ESPNL: variants seen among roughly 807,000 people sequenced by gnomAD.
ESPNL encodes espin-like protein.
ESPNL carries 49 observed loss-of-function variants against 46.8 expected under a neutral mutation model. The ratio of observed to expected loss-of-function variants is 1.05; its 90% CI spans 0.83 to 1.33. The LOEUF (loss-of-function observed/expected upper bound fraction) is 1.33, where lower values mean the gene tolerates loss of function less well. Ranked by LOEUF, ESPNL falls within the 40% of genes most tolerant of loss-of-function variation. The pLI is 0.00. For missense variants in ESPNL, 1,540 were observed against 1,436.6 expected, an observed-to-expected ratio of 1.07 and a Z score of -1.16; for synonymous variants, 664 against 662.1, an observed-to-expected ratio of 1.00 and a Z score of -0.04.
chr2:238,103,562 G>A (rs114908451), intron 2 of ESPNL, among the ~76,000 whole-genome samples: 2,113 of 152,334 alleles, frequency 0.014, 45 homozygotes, highest in African/African-American at 0.048. Context: ...CCGAGAGGTG[G>A]CTGCCCCTGG....
chr2:238,103,148 C>T (rs1298082026), intron 2 of ESPNL, among the ~76,000 whole-genome samples: 1 of 152,220 alleles, frequency 6.6e-6, no homozygotes, highest in Non-Finnish European at 1.5e-5. Context: ...TTGGGCCGAG[C>T]ACAGTGGCTC....
intron 6 of ESPNL, among the ~76,000 whole-genome samples, chr2:238,125,659 G>A (rs1370760071): frequency 6.6e-6 from 1 of 152,264 alleles, no homozygotes; most frequent in Non-Finnish European, 1.5e-5. Context: ...GCCCCTTGTG[G>A]ATGGGCTGCT....
intron 5 of ESPNL, among the ~76,000 whole-genome samples, chr2:238,124,418 C>T (rs772178720): frequency 3.9e-5 from 6 of 152,226 alleles, no homozygotes; most frequent in Non-Finnish European, 8.8e-5. Flanking sequence ...CTGCCCTTCC[C>T]TCTCCTCACC....
At chr2:238,129,207 A>G (rs1339810875) in intron 8 of ESPNL, 2 of 1,309,140 alleles carry the variant, frequency 1.5e-6, no homozygotes, top group African/African-American at 1.5e-5. Context: ...AGCGTCTAGC[A>G]GGGAAGACGG....
intron 5 of ESPNL, among the ~76,000 whole-genome samples, chr2:238,119,162 G>GT (rs1691913290): frequency 1.6e-5 from 2 of 128,252 alleles, no homozygotes; most frequent in East Asian, 2.8e-4. Context: ...ATGGAGGAGG[G>GT]GAGATGGAGG....
At chr2:238,126,487 T>C (rs1224513207) in intron 6 of ESPNL, among the ~76,000 whole-genome samples, 2 of 151,518 alleles carry the variant, frequency 1.3e-5, no homozygotes, top group Non-Finnish European at 2.9e-5. Flanking sequence ...TGATTGTGTG[T>C]CTGTTCTGTC....
rs1234549821 is a variant in ESPNL, at chr2:238,128,785, A to G, written c.1294A>G (p.Ile432Val). Residue 432 changes from isoleucine (I) to valine (V), a missense_variant, in exon 8 of 9, where the codon ATC (isoleucine) becomes GTC (valine). Transcript: ENST00000343063. ...GCTGGATGGGCTGCCCTCAGGCGAC[A>G]TCGACGGGCTGGTGCCCACGCGGGA... ...LQLDGLPSGD[I>V]DGLVPTRDER... 5.1e-6 allele frequency: 8 copies of G among 1,578,072 alleles called. No individual in the cohort carries two copies. Among genetic ancestry groups the G allele is most frequent in the South Asian group, 1.2e-5 (1 of 86,060 alleles).
chr2:238,108,129 G>A (rs1691638537), intron 4 of ESPNL, among the ~76,000 whole-genome samples, 156 bp downstream of exon 4: 1 of 152,192 alleles, frequency 6.6e-6, no homozygotes, highest in South Asian at 2.1e-4. Context: ...CTTGCCCAAG[G>A]TCAAGATCCC....
At chr2:238,122,822 G>T (rs1313140424) in intron 5 of ESPNL, among the ~76,000 whole-genome samples, 1 of 152,218 alleles carries the variant, frequency 6.6e-6, no homozygotes, top group African/African-American at 2.4e-5. Flanking sequence ...GCTGTTGAGG[G>T]GCCCACTCCA....
At chr2:238,127,100 GTCTGT>G (rs1385944990) in intron 6 of ESPNL, among the ~76,000 whole-genome samples, 2 of 131,950 alleles carry the variant, frequency 1.5e-5, no homozygotes, top group African/African-American at 3.0e-5. Context: ...TTGTGTCTGT[GTCTGT>G]ATGTGATGTG....
intron 4 of ESPNL, among the ~76,000 whole-genome samples, chr2:238,113,110 C>T (rs917862012): frequency 2.0e-5 from 3 of 152,154 alleles, no homozygotes; most frequent in Admixed American, 6.6e-5. Flanking sequence ...ATCCTGTCAC[C>T]GTTTGTTTTA....
chr2:238,128,628 C>T (rs1356092243), intron 7 of ESPNL, 79 bp from the exon 8 acceptor site: 3 of 1,435,524 alleles, frequency 2.1e-6, no homozygotes, highest in Admixed American at 2.0e-5. Flanking sequence ...GAGCCAACCC[C>T]CCACGTCCTC....
At chr2:238,122,627 G>A (rs963253153) in intron 5 of ESPNL, among the ~76,000 whole-genome samples, 13 of 152,182 alleles carry the variant, frequency 8.5e-5, no homozygotes, top group African/African-American at 2.4e-4. Flanking sequence ...ATAAGAGGGC[G>A]GCTGCCATCC....
In ESPNL at chr2:238,107,779, C is replaced by G. The variant is rs1691628805; in HGVS notation, c.673-12C>G. The G allele has an allele frequency of 6.4e-7, 1 of 1,566,454 alleles. No individual in the cohort carries two copies. The highest frequency in any genetic ancestry group is 1.4e-5 in the African/African-American group (1 of 73,748). On this transcript the variant is annotated splice_polypyrimidine_tract_variant and intron_variant, in intron 3 of 8. Transcript: ENST00000343063. ...GGGAGGATGGCTGCTCCCTCTGCCC[C>G]TCCTTCCCCAGGTCACATTCACCGA...
At chr2:238,113,184 C>T (rs1239018519) in intron 4 of ESPNL, among the ~76,000 whole-genome samples, 1 of 152,176 alleles carries the variant, frequency 6.6e-6, no homozygotes, top group Non-Finnish European at 1.5e-5. Flanking sequence ...ACTTTTCTTT[C>T]TATACTTATT....
At position 238,114,281 on chromosome 2, in the gene ESPNL, C is replaced by T. The variant is rs547385094; in HGVS notation, c.856-2622C>T. Among the ~76,000 whole-genome samples, 76 of 152,224 alleles carry T rather than the reference C, an allele frequency of 5.0e-4. No homozygotes were observed. The highest frequency in any genetic ancestry group is 1.7e-3 in the African/African-American group (69 of 41,534). On this transcript the variant is annotated intron_variant, in intron 4 of 8. Coordinates refer to ENST00000343063, the MANE Select transcript of ESPNL (RefSeq NM_194312.4). The surrounding 1 kb of genome is among the most constrained non-coding windows in gnomAD (Gnocchi z 5.0). ...AGGGCTTTGCCCTCTCTCCCCAGCA[C>T]CATTTGGGGCCAGGTCTGACACTTG...
intron 6 of ESPNL, 194 bp from the exon 7 acceptor site, chr2:238,127,428 C>A: frequency 7.6e-7 from 1 of 1,321,768 alleles, no homozygotes; most frequent in Non-Finnish European, 9.6e-7. Context: ...CAGGCGGGGG[C>A]GGGCCCCACT....
rs1376369075 is a variant in ESPNL at position 238,118,400 on chromosome 2, G to A, written c.987+1366G>A. On this transcript the variant is annotated intron_variant, in intron 5 of 8. Transcript: ENST00000343063. Reference sequence around the variant, plus strand: ...GGTGGATGGAGAAGGGTGGATGGAAGAGGGTGGACGGAGGAGGGTGGATGG... The same window carrying A: ...GGTGGATGGAGAAGGGTGGATGGAAAAGGGTGGACGGAGGAGGGTGGATGG... Among the ~76,000 whole-genome samples, 20 of 71,992 alleles carry A rather than the reference G, an allele frequency of 2.8e-4. 2 individuals carry two copies. Among genetic ancestry groups the A allele is most frequent in the African/African-American group, 2.0e-3 (15 of 7,448 alleles). 47.2% of individuals were successfully genotyped at this position (71,992 alleles called of 152,430 possible).
At chr2:238,104,098 C>A (rs1691542862) in intron 2 of ESPNL, among the ~76,000 whole-genome samples, 1 of 152,186 alleles carries the variant, frequency 6.6e-6, no homozygotes, top group Admixed American at 6.5e-5. Context: ...TACTCCTCAG[C>A]TTCCCCTCCT....
Sources: gnomAD v4.1 joint callset for allele counts (sites outside exome capture counted in the v4.1 genomes callset) on GRCh38, gnomAD v4.1.1 for gene constraint, Gnocchi (gnomAD v3.1) non-coding constraint, MANE v1.5 for transcripts, NCBI Gene and HGNC (gene_info 2026-07-23, HGNC 2026-07-21) for gene names.